KIAA1549L: variants seen among roughly 807,000 people sequenced by gnomAD.
KIAA1549L encodes the protein UPF0606 protein KIAA1549L.
KIAA1549L carries 88 observed loss-of-function variants against 160.7 expected under a neutral mutation model. That is an observed-to-expected ratio of 0.55 (90% CI 0.46 to 0.65). KIAA1549L has a LOEUF of 0.65. KIAA1549L is among the 30% of genes least tolerant of loss of function. The probability of loss-of-function intolerance (pLI) is 0.00; values close to 1 mark genes in which losing one functional copy is unlikely to be tolerated. For missense variants in KIAA1549L, 2,258 were observed against 2,437.5 expected (o/e 0.93, Z 1.55); for synonymous variants, 950 against 976.7 (o/e 0.97, Z 0.51).
chr11:33,664,902 A>T (rs1852388540), intron 20 of KIAA1549L, among the ~76,000 whole-genome samples: 1 of 152,250 alleles, frequency 6.6e-6, no homozygotes, highest in Admixed American at 6.5e-5. Context: ...TAAGCATGGG[A>T]ACAGGCTGTA....
Position 33,551,029 on chromosome 11 carries a change from T to G in KIAA1549L, c.3502-11T>G, listed in dbSNP as rs1330701504. ...TAAACAATGGGTTTTGTGGGTCCAT[T>G]TGTTTTGTAGGTGGACATTCTGGAA... On this transcript the variant is annotated splice_polypyrimidine_tract_variant and intron_variant, in intron 4 of 20. Coordinates refer to ENST00000658780, the MANE Select transcript of KIAA1549L (RefSeq NM_012194.3). The G allele has an allele frequency of 1.2e-6, 2 of 1,608,574 alleles. No homozygotes were observed. Among genetic ancestry groups the G allele is most frequent in the Non-Finnish European group, 1.7e-6 (2 of 1,175,036 alleles).
At chr11:33,601,906 G>A (rs961088352) in intron 13 of KIAA1549L, among the ~76,000 whole-genome samples, 1 of 152,224 alleles carries the variant, frequency 6.6e-6, no homozygotes, top group Non-Finnish European at 1.5e-5. Flanking sequence ...ATGCTTACAT[G>A]TAAGTGGGAA....
At chr11:33,554,140 T>C (rs1854565736) in intron 6 of KIAA1549L, among the ~76,000 whole-genome samples, 1 of 152,212 alleles carries the variant, frequency 6.6e-6, no homozygotes. Context: ...AACTTCATGC[T>C]GACATTCCCT....
At chr11:33,594,554 A>G (rs142326441) in intron 12 of KIAA1549L, among the ~76,000 whole-genome samples, 1 of 152,174 alleles carries the variant, frequency 6.6e-6, no homozygotes, top group Non-Finnish European at 1.5e-5. Flanking sequence ...CTTTCTCACA[A>G]TGTGGTTGCA....
intron 1 of KIAA1549L, among the ~76,000 whole-genome samples, chr11:33,478,631 T>G (rs1304456787): frequency 6.6e-6 from 1 of 152,218 alleles, no homozygotes; most frequent in Non-Finnish European, 1.5e-5. Flanking sequence ...TAAGCCATGA[T>G]TTTGCTTTAT....
intron 1 of KIAA1549L, among the ~76,000 whole-genome samples, chr11:33,419,883 T>C (rs192540541): frequency 0.03 from 3,158 of 104,472 alleles, 51 homozygotes; most frequent in Non-Finnish European, 0.047. Flanking sequence ...CATACATACA[T>C]ACATACATAC....
chr11:33,467,274 A>T (rs1369376140), intron 1 of KIAA1549L, among the ~76,000 whole-genome samples: 3 of 152,206 alleles, frequency 2.0e-5, no homozygotes, highest in Admixed American at 6.5e-5. Flanking sequence ...GGCAGTCTAC[A>T]ATGTATGGAG....
At chr11:33,530,820 A>G (rs960528581) in intron 1 of KIAA1549L, among the ~76,000 whole-genome samples, 3 of 152,188 alleles carry the variant, frequency 2.0e-5, no homozygotes, top group African/African-American at 7.2e-5. Context: ...GAGGATTGGT[A>G]AACAAATTAT....
At chr11:33,519,318 A>T (rs115129405) in intron 1 of KIAA1549L, among the ~76,000 whole-genome samples, 1 of 152,152 alleles carries the variant, frequency 6.6e-6, no homozygotes, top group African/African-American at 2.4e-5. Context: ...GTTGATTTCT[A>T]TATGCTCCAG....
At chr11:33,435,774 A>ATGTGTGTGTG (rs1565135690) in intron 1 of KIAA1549L, among the ~76,000 whole-genome samples, 3 of 6,120 alleles carry the variant, frequency 4.9e-4, no homozygotes, top group African/African-American at 1.2e-3. Flanking sequence ...ATATATATAT[A>ATGTGTGTGTG]TATATATATA....
intron 16 of KIAA1549L, among the ~76,000 whole-genome samples, chr11:33,630,577 G>A (rs1419216309): frequency 1.3e-5 from 2 of 152,240 alleles, no homozygotes; most frequent in African/African-American, 4.8e-5. Flanking sequence ...CTTTGACTAG[G>A]AAAGGGAACT....
chr11:33,588,746 T>A (rs1400162769), intron 11 of KIAA1549L, among the ~76,000 whole-genome samples: 1 of 152,198 alleles, frequency 6.6e-6, no homozygotes, highest in Non-Finnish European at 1.5e-5. Context: ...CAGCAAACCC[T>A]ATTTCAGAAA....
intron 1 of KIAA1549L, among the ~76,000 whole-genome samples, chr11:33,505,371 C>T (rs1853057435): frequency 6.6e-6 from 1 of 152,192 alleles, no homozygotes; most frequent in Non-Finnish European, 1.5e-5. Context: ...GAAAACTTTG[C>T]AGTAGTAAGC....
In KIAA1549L at chr11:33,670,068, A is replaced by G. The variant is rs539510208; in HGVS notation, c.*1914A>G. 1.3e-5 allele frequency: 2 copies of G among 152,362 alleles called. No individual in the cohort carries two copies. The highest frequency in any genetic ancestry group is 1.9e-4 in the East Asian group (1 of 5,186). The allele number at this position is 152,362 out of a possible 1,614,324, so 9.4% of individuals were successfully genotyped here. Reference sequence around the variant, plus strand: ...ACAGGTTAACACAATGCCTACGTCTATCCACATAGGCATTCAATGCACTTG... The same window carrying G: ...ACAGGTTAACACAATGCCTACGTCTGTCCACATAGGCATTCAATGCACTTG... On this transcript the variant is annotated 3_prime_UTR_variant, in exon 21 of 21. Coordinates refer to ENST00000658780, the MANE Select transcript of KIAA1549L (RefSeq NM_012194.3).
intron 1 of KIAA1549L, among the ~76,000 whole-genome samples, chr11:33,498,621 G>C (rs575081353): frequency 6.6e-6 from 1 of 152,290 alleles, no homozygotes; most frequent in South Asian, 2.1e-4. Context: ...GAAGCTGCCA[G>C]GACTTTTAAA....
At chr11:33,491,194 A>G (rs1195927423) in intron 1 of KIAA1549L, among the ~76,000 whole-genome samples, 1 of 152,224 alleles carries the variant, frequency 6.6e-6, no homozygotes, top group Non-Finnish European at 1.5e-5. Flanking sequence ...AAGTGCAGGT[A>G]TAGTGAGAAG....
intron 8 of KIAA1549L, among the ~76,000 whole-genome samples, chr11:33,564,773 C>A (rs1321190185): frequency 6.6e-6 from 1 of 152,214 alleles, no homozygotes; most frequent in Non-Finnish European, 1.5e-5. Flanking sequence ...ATGTGGACTT[C>A]ACATTCTCCT....
chr11:33,488,075 CT>C (rs1266417022), intron 1 of KIAA1549L, among the ~76,000 whole-genome samples: 1 of 152,168 alleles, frequency 6.6e-6, no homozygotes, highest in African/African-American at 2.4e-5. Flanking sequence ...CAATTCTCAG[CT>C]TTCTCATTGG....
At chr11:33,636,352 T>C (rs1851437797) in intron 16 of KIAA1549L, among the ~76,000 whole-genome samples, 1 of 149,960 alleles carries the variant, frequency 6.7e-6, no homozygotes, top group Non-Finnish European at 1.5e-5. Flanking sequence ...GAATCTTCTT[T>C]TTTTTTTTTT....
Sources: allele counts gnomAD v4.1 joint callset (sites outside exome capture counted in the v4.1 genomes callset), GRCh38; gene constraint gnomAD v4.1.1; transcripts MANE v1.5; gene names NCBI Gene and HGNC (gene_info 2026-07-23, HGNC 2026-07-21).